The following WDR70 variants were observed in gnomAD, a reference collection of about 807,000 sequenced individuals.
WDR70 encodes WD repeat-containing protein 70.
A neutral mutation model predicts 88.6 loss-of-function variants in WDR70; 53 were observed. That is an observed-to-expected ratio of 0.60 (90% CI 0.48 to 0.75). The LOEUF (loss-of-function observed/expected upper bound fraction) is 0.75, where lower values mean the gene tolerates loss of function less well. WDR70 is among the 30% of genes least tolerant of loss of function. The probability of loss-of-function intolerance (pLI) is 0.00; values close to 1 mark genes in which losing one functional copy is unlikely to be tolerated. For synonymous variants in WDR70, 280 were observed against 270.0 expected (o/e 1.04, Z -0.36); for missense variants, 610 against 823.2 (o/e 0.74, Z 3.17).
At chr5:37,512,790 G>T (rs1487653177) in intron 8 of WDR70, among the ~76,000 whole-genome samples, 2 of 151,118 alleles carry the variant, frequency 1.3e-5, no homozygotes, top group Non-Finnish European at 2.9e-5. Context: ...TTGCCATGTT[G>T]CCCAGGCTGG....
intron 17 of WDR70, among the ~76,000 whole-genome samples, chr5:37,728,372 A>G (rs1002047852): frequency 3.3e-5 from 5 of 150,394 alleles, no homozygotes; most frequent in African/African-American, 5.0e-5. Flanking sequence ...AACAAAAAAA[A>G]AAAACAAACT....
chr5:37,525,804 AC>A (rs1741249276), intron 9 of WDR70, among the ~76,000 whole-genome samples: 2 of 152,216 alleles, frequency 1.3e-5, no homozygotes, highest in African/African-American at 4.8e-5. Context: ...AGGGGATATC[AC>A]CACCGATCTC....
chr5:37,564,897 A>G (rs1457214758), intron 9 of WDR70, among the ~76,000 whole-genome samples: 1 of 152,100 alleles, frequency 6.6e-6, no homozygotes, highest in Admixed American at 6.5e-5. Flanking sequence ...GAGTTTTTCT[A>G]TTTATGTTAA....
chr5:37,719,317 G>C (rs931624222), intron 13 of WDR70, among the ~76,000 whole-genome samples: 6 of 151,514 alleles, frequency 4.0e-5, no homozygotes, highest in African/African-American at 1.2e-4. Flanking sequence ...TTATAAACTA[G>C]GTTTTACAAG....
chr5:37,629,529 A>G (rs1012801675), intron 10 of WDR70, among the ~76,000 whole-genome samples: 1 of 151,980 alleles, frequency 6.6e-6, no homozygotes, highest in South Asian at 2.1e-4. Context: ...AAGTTCAGAA[A>G]TTTTTTCCTC....
At chr5:37,548,386 T>A (rs10044858) in intron 9 of WDR70, among the ~76,000 whole-genome samples, 6,620 of 152,276 alleles carry the variant, frequency 0.043, 491 homozygotes, top group African/African-American at 0.15. Context: ...TGTCTGGTGA[T>A]CAGTGATGCT....
intron 4 of WDR70, among the ~76,000 whole-genome samples, chr5:37,393,321 T>TG: frequency 6.6e-6 from 1 of 152,350 alleles, no homozygotes; most frequent in African/African-American, 2.4e-5. Flanking sequence ...ATTACAGGTG[T>TG]GAGTCACCGC....
intron 13 of WDR70, among the ~76,000 whole-genome samples, chr5:37,717,925 T>A (rs2112689723): frequency 6.6e-6 from 1 of 152,356 alleles, no homozygotes; most frequent in South Asian, 2.1e-4. Context: ...TGTTTTAGAA[T>A]CCTTGTAGTA....
chr5:37,697,822 A>G, intron 11 of WDR70, 68 bp downstream of exon 11: 3 of 1,369,900 alleles, frequency 2.2e-6, no homozygotes, highest in South Asian at 1.2e-5. Flanking sequence ...AAATATGACA[A>G]TAATATCCTA....
chr5:37,393,356 A>C (rs1302714905), intron 4 of WDR70, among the ~76,000 whole-genome samples: 1 of 151,946 alleles, frequency 6.6e-6, no homozygotes, highest in Non-Finnish European at 1.5e-5. Context: ...TTCTTTTTTT[A>C]GTGTCAATGT....
chr5:37,476,334 C>A (rs1304489345), intron 7 of WDR70, among the ~76,000 whole-genome samples: 1 of 152,130 alleles, frequency 6.6e-6, no homozygotes, highest in African/African-American at 2.4e-5. Context: ...ACTGCATTTA[C>A]TCCCTCCTGC....
At chr5:37,514,336 C>CTATATATATATATATATA (rs1385732925) in intron 8 of WDR70, among the ~76,000 whole-genome samples, 171 of 10,960 alleles carry the variant, frequency 0.016, 4 homozygotes, top group Non-Finnish European at 0.14. Flanking sequence ...ATATTTAGAA[C>CTATATATATATATATATA]TACATATATA....
At chr5:37,380,724 T>G (rs1748400233) in intron 2 of WDR70, among the ~76,000 whole-genome samples, 1 of 152,184 alleles carries the variant, frequency 6.6e-6, no homozygotes, top group Non-Finnish European at 1.5e-5. Flanking sequence ...CTTCGCTCAT[T>G]GCAGCCTCCT....
rs147502654 is a variant in WDR70, at chr5:37,683,117, T to C, written c.1093-14538T>C. 1.4e-4 allele frequency among the ~76,000 whole-genome samples: 22 copies of C among 152,358 alleles called. No individual in the cohort carries two copies. The East Asian group carries it at 3.9e-3, about 27-fold the overall frequency. ...GTACTTCCTTGTCTTTTTTGATCTT[T>C]GTTGTTTTAAAATCCATTTTGTCTG... On this transcript the variant is annotated intron_variant, in intron 10 of 17. Coordinates refer to ENST00000265107, the MANE Select transcript of WDR70 (RefSeq NM_018034.4).
At chr5:37,412,458 T>A (rs1182525160) in intron 5 of WDR70, among the ~76,000 whole-genome samples, 1 of 152,162 alleles carries the variant, frequency 6.6e-6, no homozygotes, top group Non-Finnish European at 1.5e-5. Context: ...TAATTTTTTT[T>A]TTTTAGGGAT....
At chr5:37,689,234 A>T (rs1022411144) in intron 10 of WDR70, among the ~76,000 whole-genome samples, 2 of 152,192 alleles carry the variant, frequency 1.3e-5, no homozygotes, top group African/African-American at 4.8e-5. Context: ...TACTGCCTCT[A>T]TGCACTCCAC....
Position 37,752,620 on chromosome 5 carries a change from C to A in WDR70, c.*47C>A. ...TTGCATGAGTGGGAGGGGTATGGGA[C>A]AGGTTTGGGTTTTTTTTTTATGCTC... On this transcript the variant is annotated 3_prime_UTR_variant, in exon 18 of 18. Transcript: ENST00000265107. The A allele has an allele frequency of 7.3e-7, 1 of 1,369,288 alleles. No homozygotes were observed. Among genetic ancestry groups the A allele is most frequent in the Non-Finnish European group, 1.0e-6 (1 of 985,184 alleles). 84.8% of individuals were successfully genotyped at this position (1,369,288 alleles called of 1,614,324 possible). A position where few individuals can be genotyped will look rare whatever the true frequency, so the allele number is the denominator to read the frequency against.
chr5:37,386,957 G>T (rs1317273534), intron 3 of WDR70, among the ~76,000 whole-genome samples: 5 of 152,066 alleles, frequency 3.3e-5, no homozygotes, highest in Non-Finnish European at 4.4e-5. Flanking sequence ...AATTAACCGG[G>T]TGTGGGTGGT....
intron 9 of WDR70, among the ~76,000 whole-genome samples, chr5:37,534,721 C>T (rs1448378652): frequency 2.0e-5 from 3 of 152,010 alleles, no homozygotes; most frequent in South Asian, 2.1e-4. Context: ...TCAGGTGATC[C>T]GCCCGCCTCA....
Sources: allele counts gnomAD v4.1 joint callset (sites outside exome capture counted in the v4.1 genomes callset), GRCh38; gene constraint gnomAD v4.1.1; transcripts MANE v1.5; gene names NCBI Gene and HGNC (gene_info 2026-07-23, HGNC 2026-07-21).